UBE2H: variants seen among roughly 807,000 people sequenced by gnomAD.
The protein encoded by UBE2H is ubiquitin-conjugating enzyme E2 H.
Under a neutral mutation model 29.0 loss-of-function variants are expected in UBE2H, and 3 were observed. The observed-to-expected ratio is 0.10, with a 90% CI of 0.05 to 0.27. UBE2H has a LOEUF of 0.27. Ranked by LOEUF, UBE2H falls within the 10% of genes least tolerant of loss-of-function variation. The probability of loss-of-function intolerance (pLI) is 1.00; values close to 1 mark genes in which losing one functional copy is unlikely to be tolerated. For synonymous variants in UBE2H, 69 were observed against 82.9 expected (o/e 0.83, Z 0.91); for missense variants, 68 against 228.2 (o/e 0.30, Z 4.52).
At chr7:129,942,975 T>C (rs893354212) in intron 1 of UBE2H, among the ~76,000 whole-genome samples, 5 of 152,064 alleles carry the variant, frequency 3.3e-5, no homozygotes, top group African/African-American at 1.2e-4. Context: ...CCTGAGTAGC[T>C]GGGATTACAG....
chr7:129,898,309 T>A (rs1451454108), intron 1 of UBE2H, among the ~76,000 whole-genome samples: 8 of 152,140 alleles, frequency 5.3e-5, no homozygotes, highest in African/African-American at 1.9e-4. Flanking sequence ...CAGAAATGAT[T>A]AACATACAGT....
chr7:129,903,708 A>G (rs1157590752), intron 1 of UBE2H, among the ~76,000 whole-genome samples: 1 of 152,112 alleles, frequency 6.6e-6, no homozygotes, highest in Non-Finnish European at 1.5e-5. Context: ...AGACTAGCCT[A>G]CGCAACAAAG....
chr7:129,946,722 A>T (rs375572387), intron 1 of UBE2H, among the ~76,000 whole-genome samples: 1 of 152,300 alleles, frequency 6.6e-6, no homozygotes, highest in African/African-American at 2.4e-5. Flanking sequence ...CTCAAACTAA[A>T]GTTTGAGAAC....
chr7:129,919,487 C>T (rs1384128239), intron 1 of UBE2H, among the ~76,000 whole-genome samples: 1 of 152,156 alleles, frequency 6.6e-6, no homozygotes, highest in Non-Finnish European at 1.5e-5. Context: ...ACTCTACAGT[C>T]ATGAACACTC....
Position 129,834,992 on chromosome 7 carries a change from G to A in UBE2H, c.497C>T (p.Ser166Leu), listed in dbSNP as rs770865450. ...EQEEGTGDSS[S>L]ESSMSDFSED... ...GGAAAAGTCAGACATAGAGCTCTCC[G>A]ATGAGCTGTCCCCGGTACCCTCTTC... Residue 166 changes from serine (S) to leucine (L), a missense_variant, in exon 7 of 7, where the codon TCG (serine) becomes TTG (leucine). Transcript: ENST00000355621. 3.1e-6 allele frequency: 5 copies of A among 1,614,006 alleles called. No individual in the cohort carries two copies. The highest frequency in any genetic ancestry group is 1.7e-5 in the Admixed American group (1 of 60,008).
chr7:129,882,500 T>C (rs556690272), intron 1 of UBE2H, among the ~76,000 whole-genome samples: 4 of 152,202 alleles, frequency 2.6e-5, no homozygotes, highest in Non-Finnish European at 5.9e-5. Context: ...AGGCCAGGTG[T>C]AATTTTGGTA....
chr7:129,892,204 C>A (rs1446967413), intron 1 of UBE2H, among the ~76,000 whole-genome samples: 1 of 152,020 alleles, frequency 6.6e-6, no homozygotes, highest in East Asian at 1.9e-4. Context: ...CCGCCTCGGC[C>A]TCCCAAAATG....
chr7:129,936,850 C>A (rs901966339), intron 1 of UBE2H, among the ~76,000 whole-genome samples: 3 of 148,038 alleles, frequency 2.0e-5, no homozygotes, highest in African/African-American at 7.5e-5. Flanking sequence ...TGGTGGCAGG[C>A]GCCTGTAATC....
intron 1 of UBE2H, among the ~76,000 whole-genome samples, chr7:129,909,306 C>G (rs967600752): frequency 6.6e-6 from 1 of 152,154 alleles, no homozygotes; most frequent in Non-Finnish European, 1.5e-5. Context: ...CCCACTGATA[C>G]CTAGAGAGGG....
At chr7:129,872,568 G>A (rs566936979) in intron 3 of UBE2H, among the ~76,000 whole-genome samples, 11 of 152,044 alleles carry the variant, frequency 7.2e-5, no homozygotes, top group South Asian at 2.1e-4. Flanking sequence ...TTGGCTGGGC[G>A]CGGTGGCTCA....
At chr7:129,934,425 G>GT (rs1807475832) in intron 1 of UBE2H, among the ~76,000 whole-genome samples, 1 of 151,804 alleles carries the variant, frequency 6.6e-6, no homozygotes, top group South Asian at 2.1e-4. Context: ...ATCACCTGAG[G>GT]TCAGGAGTTC....
intron 1 of UBE2H, among the ~76,000 whole-genome samples, chr7:129,903,811 T>C (rs1369603980): frequency 6.6e-6 from 1 of 152,090 alleles, no homozygotes; most frequent in Non-Finnish European, 1.5e-5. Flanking sequence ...AAGGCTGAAA[T>C]GGGAGGATCC....
intron 1 of UBE2H, among the ~76,000 whole-genome samples, chr7:129,906,671 T>A (rs889171096): frequency 7.2e-5 from 11 of 151,914 alleles, no homozygotes; most frequent in Non-Finnish European, 1.3e-4. Flanking sequence ...GAAAAAAAAA[T>A]TTGCTTATAG....
intron 2 of UBE2H, among the ~76,000 whole-genome samples, chr7:129,880,519 A>T (rs1305358771): frequency 6.6e-6 from 1 of 152,196 alleles, no homozygotes; most frequent in African/African-American, 2.4e-5. Context: ...ATAAATAAAT[A>T]AATAAATAAA....
At chr7:129,842,268 T>TA (rs962460696) in intron 5 of UBE2H, among the ~76,000 whole-genome samples, 2 of 152,066 alleles carry the variant, frequency 1.3e-5, no homozygotes, top group African/African-American at 4.8e-5. Context: ...CTGTCCCTAC[T>TA]AAAAAATACA....
chr7:129,907,759 GA>G (rs1441368337), intron 1 of UBE2H, among the ~76,000 whole-genome samples: 4 of 152,096 alleles, frequency 2.6e-5, no homozygotes, highest in Non-Finnish European at 4.4e-5. Context: ...TAAAATTGCT[GA>G]ATTTTACTGC....
At chr7:129,853,970 C>T (rs1805657323) in intron 5 of UBE2H, among the ~76,000 whole-genome samples, 1 of 151,636 alleles carries the variant, frequency 6.6e-6, no homozygotes, top group South Asian at 2.1e-4. Flanking sequence ...AGTGTTGAAA[C>T]AAGTTTTAGG....
intron 1 of UBE2H, among the ~76,000 whole-genome samples, chr7:129,911,678 C>T (rs1167626689): frequency 1.3e-5 from 2 of 151,962 alleles, no homozygotes; most frequent in African/African-American, 4.8e-5. Flanking sequence ...CACTCTGTTG[C>T]CCAGGCTGGA....
chr7:129,879,964 C>T (rs572073617), intron 2 of UBE2H, among the ~76,000 whole-genome samples: 2 of 152,138 alleles, frequency 1.3e-5, no homozygotes, highest in African/African-American at 2.4e-5. Context: ...TTCATCCCCC[C>T]TCCAAGGCCA....
Sources: gnomAD v4.1 joint callset for allele counts (sites outside exome capture counted in the v4.1 genomes callset) on GRCh38, gnomAD v4.1.1 for gene constraint, MANE v1.5 for transcripts, NCBI Gene and HGNC (gene_info 2026-07-23, HGNC 2026-07-21) for gene names.